USP35: variants seen among roughly 807,000 people sequenced by gnomAD.
The protein encoded by USP35 is ubiquitin specific peptidase 35.
Under a neutral mutation model 83.8 loss-of-function variants are expected in USP35, and 69 were observed. The ratio of observed to expected loss-of-function variants is 0.82; its 90% CI spans 0.68 to 1.01. The LOEUF is 1.01. USP35 is among the 50% of genes least tolerant of loss of function. The pLI, the probability that USP35 is intolerant of heterozygous loss-of-function variation, is 0.00. For missense variants in USP35, 1,503 were observed against 1,362.5 expected (o/e 1.10, Z -1.62); for synonymous variants, 714 against 589.5 (o/e 1.21, Z -3.06).
At chr11:78,198,187 CA>C in intron 3 of USP35, 119 bp downstream of exon 3, 6 of 1,444,168 alleles carry the variant, frequency 4.2e-6, no homozygotes, top group Non-Finnish European at 5.7e-6. Context: ...CCCAGGCCCT[CA>C]TGTGTGTTCC....
chr11:78,219,224 G>A (rs1207122760), downstream of USP35: 1 of 1,576,240 alleles, frequency 6.3e-7, no homozygotes, highest in Non-Finnish European at 8.7e-7. Flanking sequence ...AGATGGGAAG[G>A]GCCAGCTCTG....
intron 2 of USP35, among the ~76,000 whole-genome samples, chr11:78,197,198 C>A (rs374958727): frequency 9.6e-6 from 1 of 104,042 alleles, no homozygotes; most frequent in South Asian, 3.3e-4. Context: ...GAGGGAGGAA[C>A]GGGAAGTTGA....
chr11:78,216,927 G>A (rs2134442843), downstream of USP35: 1 of 152,392 alleles, frequency 6.6e-6, no homozygotes, highest in Admixed American at 6.5e-5. Flanking sequence ...TTCACTTATT[G>A]GAACACCAAG....
chr11:78,210,809 C>T (rs929795802), intron 10 of USP35, 65 bp downstream of exon 10: 5 of 1,451,664 alleles, frequency 3.4e-6, no homozygotes, highest in Admixed American at 2.4e-5. Context: ...CCACTACTGG[C>T]TTAGATAAGT....
chr11:78,212,603 TC>T (rs1863829690), intron 10 of USP35, among the ~76,000 whole-genome samples: 1 of 152,220 alleles, frequency 6.6e-6, no homozygotes, highest in East Asian at 1.9e-4. Context: ...GTCCTCTCCT[TC>T]ACTTCCCTTG....
chr11:78,199,219 A>C, intron 3 of USP35: 1 of 242,948 alleles, frequency 4.1e-6, no homozygotes, highest in Non-Finnish European at 8.2e-6. Context: ...AGAGCGGGGA[A>C]GTGGCTTGCT....
At chr11:78,225,648 T>G in the USP35 span, among the ~76,000 whole-genome samples, 2 of 152,248 alleles carry the variant, frequency 1.3e-5, no homozygotes, top group African/African-American at 2.4e-5. Flanking sequence ...GTATGACTGC[T>G]CAAATTGTCG....
At chr11:78,227,754 C>T in the USP35 span, among the ~76,000 whole-genome samples, 3 of 151,886 alleles carry the variant, frequency 2.0e-5, no homozygotes, top group Non-Finnish European at 4.4e-5. Flanking sequence ...GAGCTATGAT[C>T]GCACCACTGC....
At position 78,200,773 on chromosome 11, in the gene USP35, C is replaced by G. The variant is rs377547204; in HGVS notation, c.1162C>G (p.Pro388Ala). Residue 388 changes from proline to alanine, a missense_variant, in exon 6 of 11, where the codon CCG (proline) becomes GCG (alanine). Transcript: ENST00000529308. ...HCMVFRFPGFPDLYEPVMEAI... is the reference protein window; with the variant it reads ...HCMVFRFPGFADLYEPVMEAI... Reference sequence around the variant, plus strand: ...CATGGTGTTCCGGTTCCCGGGCTTCCCGGATCTGTATGAGCCTGTCATGGA... The same window carrying G: ...CATGGTGTTCCGGTTCCCGGGCTTCGCGGATCTGTATGAGCCTGTCATGGA... 6.2e-6 allele frequency: 10 copies of G among 1,613,838 alleles called. No individual in the cohort carries two copies. In the African/African-American group the frequency reaches 1.2e-4, roughly 19 times the overall value.
Position 78,210,003 on chromosome 11 carries a change from A to G in USP35, c.2148A>G (p.Glu716=), listed in dbSNP as rs778394320. ...AAGAGGAGGAGGTGGAAGAGGAAGA[A>G]GAGAAGGTGGAGAAGGAGACAGAAA... is the stretch of plus-strand genomic sequence containing the variant. ...REKEEEVEEE[E]EKVEKETEKE... The change falls in exon 10 of 11, where the codon GAA becomes GAG. Residue 716 remains glutamate (E), a synonymous_variant. Transcript: ENST00000529308. 1 of 1,613,478 alleles carries G rather than the reference A, an allele frequency of 6.2e-7. No homozygotes were observed. The highest frequency in any genetic ancestry group is 1.1e-5 in the South Asian group (1 of 91,066).
Position 78,214,408 on chromosome 11 carries a change from C to G in USP35, c.*595C>G, listed in dbSNP as rs1413300931. On this transcript the variant is annotated 3_prime_UTR_variant, in exon 11 of 11. Transcript: ENST00000529308. ...GGGGGGGCGGGGGGCTAGCTTCTCA[C>G]AGCAGGAGGCCTTTGCCCCCACAGC... 1 of 141,708 alleles carries G rather than the reference C, an allele frequency of 7.1e-6. No individual in the cohort carries two copies. Among genetic ancestry groups the G allele is most frequent in the East Asian group, 2.0e-4 (1 of 5,092 alleles). 8.8% of individuals were successfully genotyped at this position (141,708 alleles called of 1,614,324 possible). A position where few individuals can be genotyped will look rare whatever the true frequency, so the allele number is the denominator to read the frequency against.
Position 78,206,035 on chromosome 11 carries a change from A to G in USP35, c.1391A>G (p.Asp464Gly). ...SILQALFMAS[D>G]FRHCVLRLTE... The stretch of plus-strand genomic sequence containing the variant: ...CTTCAGGCCTTATTCATGGCGTCTG[A>G]GTAGGTGCTGCTTTGGAATTCCCTG... Residue 464 changes from aspartate to glycine, a missense_variant and splice_region_variant, in exon 7 of 11, where the codon GAC (aspartate) becomes GGC (glycine). Coordinates refer to ENST00000529308, the MANE Select transcript of USP35 (RefSeq NM_020798.4). 1 of 1,607,328 alleles carries G rather than the reference A, an allele frequency of 6.2e-7. No homozygotes were observed. Among genetic ancestry groups the G allele is most frequent in the Non-Finnish European group, 8.5e-7 (1 of 1,174,718 alleles).
At position 78,214,459 on chromosome 11, in the gene USP35, A is replaced by AGAAGC. The variant is rs1177529845; in HGVS notation, c.*647_*651dup. On this transcript the variant is annotated 3_prime_UTR_variant, in exon 11 of 11. Transcript: ENST00000529308. ...CCCTCCACGCCTGCCTCAGGGCCTG[A>AGAAGC]GAAGCCACCACTTGTATCCCCCTTG... 1.4e-5 allele frequency: 2 copies of AGAAGC among 148,072 alleles called. No homozygotes were observed. The highest frequency in any genetic ancestry group is 5.0e-5 in the African/African-American group (2 of 40,246). 9.2% of individuals were successfully genotyped at this position (148,072 alleles called of 1,614,324 possible). A position where few individuals can be genotyped will look rare whatever the true frequency, so the allele number is the denominator to read the frequency against.
intron 6 of USP35, 138 bp from the exon 7 acceptor site, chr11:78,205,704 C>G: frequency 1.1e-6 from 1 of 920,466 alleles, no homozygotes; most frequent in Non-Finnish European, 1.6e-6. Context: ...TCACACACAC[C>G]CCAGAACATC....
chr11:78,189,643 C>T (rs573693736), intron 1 of USP35, among the ~76,000 whole-genome samples: 62 of 152,308 alleles, frequency 4.1e-4, no homozygotes, highest in African/African-American at 1.4e-3. Flanking sequence ...GCTTGGTGCC[C>T]TTCCTTCCAG....
intron 10 of USP35, 72 bp from the exon 11 acceptor site, chr11:78,213,574 G>GA (rs1590922610): frequency 1.4e-6 from 2 of 1,419,926 alleles, no homozygotes; most frequent in East Asian, 5.5e-5. Flanking sequence ...GAAAGGTGTT[G>GA]TGCTGGGTAG....
chr11:78,200,941 C>G, intron 6 of USP35, 133 bp downstream of exon 6: 1 of 1,297,782 alleles, frequency 7.7e-7, no homozygotes, highest in Non-Finnish European at 1.0e-6. Context: ...ATCACCTCCC[C>G]AGGTCCATCA....
chr11:78,224,442 T>TAC, the USP35 span, among the ~76,000 whole-genome samples: 1 of 152,170 alleles, frequency 6.6e-6, no homozygotes, highest in East Asian at 1.9e-4. Flanking sequence ...GGTTTCTAAG[T>TAC]ACCTGGGGCT....
At chr11:78,213,462 GGGGGTCTTTT>G (rs1243336600) in intron 10 of USP35, among the ~76,000 whole-genome samples, 174 bp from the exon 11 acceptor site, 1 of 148,696 alleles carries the variant, frequency 6.7e-6, no homozygotes, top group Non-Finnish European at 1.5e-5. Context: ...ATTGAGAGGA[GGGGGTCTTTT>G]GAAGTCTTTT....
Sources: gnomAD v4.1 joint callset for allele counts (sites outside exome capture counted in the v4.1 genomes callset) on GRCh38, gnomAD v4.1.1 for gene constraint, MANE v1.5 for transcripts, NCBI Gene and HGNC (gene_info 2026-07-23, HGNC 2026-07-21) for gene names.